MKLN1: variants seen among roughly 807,000 people sequenced by gnomAD.
MKLN1 encodes the protein muskelin.
A neutral mutation model predicts 99.0 loss-of-function variants in MKLN1; 18 were observed. The ratio of observed to expected loss-of-function variants is 0.18; its 90% CI spans 0.13 to 0.27. The LOEUF is 0.27. Among genes scored for constraint, MKLN1 ranks in the 10% least tolerant of loss-of-function variants. The probability of loss-of-function intolerance (pLI) is 1.00; values close to 1 mark genes in which losing one functional copy is unlikely to be tolerated. For synonymous variants in MKLN1, 288 were observed against 293.2 expected (o/e 0.98, Z 0.18); for missense variants, 621 against 875.9 (o/e 0.71, Z 3.67).
intron 3 of MKLN1, among the ~76,000 whole-genome samples, chr7:131,238,579 C>T (rs1036116652): frequency 2.6e-5 from 4 of 152,306 alleles, no homozygotes; most frequent in Admixed American, 2.6e-4. Flanking sequence ...ACTACAGGGA[C>T]TCTGAGGTTG....
At chr7:131,429,011 C>T (rs1353802373) in intron 8 of MKLN1, 22 bp from the exon 9 acceptor site, 1 of 1,572,342 alleles carries the variant, frequency 6.4e-7, no homozygotes, top group Admixed American at 1.7e-5. Context: ...TTTTTTTACA[C>T]ATATTTTTCT....
rs1356120413 is a variant in MKLN1, at chr7:131,493,663, CTTG to C, written c.*5938_*5940del. The C allele has an allele frequency of 6.6e-6, 1 of 152,288 alleles. No homozygotes were observed. Among genetic ancestry groups the C allele is most frequent in the East Asian group, 1.9e-4 (1 of 5,188 alleles). The allele number at this position is 152,288 out of a possible 1,614,324, so 9.4% of individuals were successfully genotyped here. On this transcript the variant is annotated 3_prime_UTR_variant, in exon 18 of 18. Transcript: ENST00000352689. ...GCAGCTTCTTACATACAACCAGTTC[CTTG>C]TTAAGGATCCAGCAGGAAAACCAGC...
At chr7:131,294,824 A>G (rs1052014489) in intron 3 of MKLN1, among the ~76,000 whole-genome samples, 22 of 152,128 alleles carry the variant, frequency 1.4e-4, no homozygotes, top group African/African-American at 4.6e-4. Flanking sequence ...GTGCCAAGAT[A>G]ATCTGATTAT....
intron 8 of MKLN1, among the ~76,000 whole-genome samples, chr7:131,421,274 C>CT (rs1251157291): frequency 1.3e-5 from 2 of 152,284 alleles, no homozygotes; most frequent in African/African-American, 4.8e-5. Flanking sequence ...TTCATATACT[C>CT]TAAGTATCTA....
chr7:131,424,049 AT>A (rs1323540303), intron 8 of MKLN1, among the ~76,000 whole-genome samples: 1 of 152,208 alleles, frequency 6.6e-6, no homozygotes, highest in African/African-American at 2.4e-5. Flanking sequence ...TAAAGAGCAT[AT>A]AAAATATTTT....
chr7:131,310,234 G>C (rs1031758762), intron 3 of MKLN1: 11 of 152,306 alleles, frequency 7.2e-5, no homozygotes, highest in African/African-American at 2.6e-4. Context: ...CCTCAAAAGG[G>C]GGTGTGTGTA....
At chr7:131,384,312 C>T (rs1163801880) in intron 2 of MKLN1, among the ~76,000 whole-genome samples, 1 of 145,146 alleles carries the variant, frequency 6.9e-6, no homozygotes, top group African/African-American at 2.6e-5. Context: ...GTAGGGATCT[C>T]GAGGTGAGAG....
At chr7:131,280,742 G>T (rs778035833) in intron 3 of MKLN1, among the ~76,000 whole-genome samples, 2 of 151,714 alleles carry the variant, frequency 1.3e-5, no homozygotes, top group African/African-American at 4.8e-5. Flanking sequence ...TCCACCTTCC[G>T]GGTTAATGCA....
intron 4 of MKLN1, among the ~76,000 whole-genome samples, chr7:131,391,208 T>G (rs1186972783): frequency 6.6e-6 from 1 of 152,176 alleles, no homozygotes; most frequent in Non-Finnish European, 1.5e-5. Flanking sequence ...TGATGTTAGT[T>G]TAGCACAGAC....
At position 131,124,656 on chromosome 7, in the gene MKLN1, C is replaced by T. The variant is rs532024913; in HGVS notation, c.-419+14449C>T. On this transcript the variant is annotated intron_variant, in intron 1 of 7. Transcript: ENST00000416992. ...CCCCTCTGCCCAATATGGGTTTCCA[C>T]CTTGCCCTCAACACCTCAGTCTCTG... Among the ~76,000 whole-genome samples the T allele has an allele frequency of 2.6e-5, 4 of 152,276 alleles. No individual in the cohort carries two copies. The East Asian group carries it at 7.7e-4, about 29-fold the overall frequency.
intron 17 of MKLN1, chr7:131,478,935 A>G: frequency 1.9e-6 from 1 of 519,802 alleles, no homozygotes; most frequent in Non-Finnish European, 3.4e-6. Flanking sequence ...AACACAGTCA[A>G]AATAAATTAA....
chr7:131,369,000 TCACA>T (rs57537888), intron 1 of MKLN1, among the ~76,000 whole-genome samples: 146 of 149,622 alleles, frequency 9.8e-4, no homozygotes, highest in South Asian at 8.9e-3. Context: ...ATCTGTATAA[TCACA>T]CACACACACA....
At chr7:131,272,904 A>C (rs1459727349) in intron 3 of MKLN1, among the ~76,000 whole-genome samples, 1 of 152,230 alleles carries the variant, frequency 6.6e-6, no homozygotes, top group Non-Finnish European at 1.5e-5. Flanking sequence ...TCAAGTTGAG[A>C]TTGGTGGGGG....
Position 131,491,904 on chromosome 7 carries a change from C to T in MKLN1, c.*4176C>T, listed in dbSNP as rs1021024151. 2.0e-5 allele frequency: 3 copies of T among 152,166 alleles called. No homozygotes were observed. The highest frequency in any genetic ancestry group is 2.9e-5 in the Non-Finnish European group (2 of 67,976). 9.4% of individuals were successfully genotyped at this position (152,166 alleles called of 1,614,324 possible). On this transcript the variant is annotated 3_prime_UTR_variant, in exon 18 of 18. Coordinates refer to ENST00000352689, the MANE Select transcript of MKLN1 (RefSeq NM_013255.5). ...AGATTTTCTGTGGCATTCTGTAGGA[C>T]ATTGTATTGCTTGGAAAAAAAAAGA...
intron 1 of MKLN1, among the ~76,000 whole-genome samples, chr7:131,134,022 G>C (rs1795609514): frequency 6.6e-6 from 1 of 151,248 alleles, no homozygotes; most frequent in South Asian, 2.1e-4. Flanking sequence ...TGGAGACGGG[G>C]TTTCACCATG....
intron 16 of MKLN1, among the ~76,000 whole-genome samples, chr7:131,478,027 A>G (rs1797014909): frequency 6.6e-6 from 1 of 152,220 alleles, no homozygotes; most frequent in Admixed American, 6.5e-5. Flanking sequence ...ACTAACTTTA[A>G]CTGACAGCCT....
At chr7:131,290,757 T>C (rs1159831558) in intron 3 of MKLN1, among the ~76,000 whole-genome samples, 3 of 152,254 alleles carry the variant, frequency 2.0e-5, no homozygotes, top group African/African-American at 7.2e-5. Context: ...AGGTAAACTT[T>C]AGCTGAAACT....
chr7:131,156,953 C>T (rs983581333), intron 2 of MKLN1, among the ~76,000 whole-genome samples: 38 of 152,250 alleles, frequency 2.5e-4, no homozygotes, highest in Non-Finnish European at 4.9e-4. Flanking sequence ...AGATTTGAAC[C>T]TAGGCAGTCA....
chr7:131,284,701 G>C (rs559170452), intron 3 of MKLN1, among the ~76,000 whole-genome samples: 1 of 152,320 alleles, frequency 6.6e-6, no homozygotes, highest in African/African-American at 2.4e-5. Context: ...GTGTGTGGCT[G>C]GGTATCAGCT....
Sources: gnomAD v4.1 joint callset for allele counts (sites outside exome capture counted in the v4.1 genomes callset) on GRCh38, gnomAD v4.1.1 for gene constraint, MANE v1.5 for transcripts, NCBI Gene and HGNC (gene_info 2026-07-23, HGNC 2026-07-21) for gene names.